Variants in SEMA6D observed in about 807,000 individuals in gnomAD.
The protein encoded by SEMA6D is semaphorin 6D, also known as semaphorin-6D.
SEMA6D carries 35 observed loss-of-function variants against 106.6 expected under a neutral mutation model. The observed-to-expected ratio is 0.33, with a 90% CI of 0.25 to 0.44. The LOEUF (loss-of-function observed/expected upper bound fraction) is 0.44. SEMA6D is among the 20% of genes least tolerant of loss of function. The pLI, the probability that SEMA6D is intolerant of heterozygous loss-of-function variation, is 1.00. For synonymous variants in SEMA6D, 499 were observed against 487.7 expected (o/e 1.02, Z -0.31); for missense variants, 1,185 against 1,345.9 (o/e 0.88, Z 1.87).
At chr15:47,725,106 G>A (rs2079656268) in intron 1 of SEMA6D, among the ~76,000 whole-genome samples, 1 of 152,142 alleles carries the variant, frequency 6.6e-6, no homozygotes, top group African/African-American at 2.4e-5. Context: ...ATTTTTGGAG[G>A]GGAGAGAAGG....
At chr15:47,284,337 A>G (rs2035263650) in intron 1 of SEMA6D, among the ~76,000 whole-genome samples, 2 of 152,238 alleles carry the variant, frequency 1.3e-5, no homozygotes, top group African/African-American at 4.8e-5. Flanking sequence ...AATAGAAAGA[A>G]CACTGGGTTA....
chr15:47,325,578 A>G (rs1339631436), intron 1 of SEMA6D, among the ~76,000 whole-genome samples: 1 of 152,200 alleles, frequency 6.6e-6, no homozygotes, highest in Non-Finnish European at 1.5e-5. Flanking sequence ...CCAAGGCCTC[A>G]TCTCTAAAAG....
At chr15:47,573,421 A>G (rs1030737740) in intron 3 of SEMA6D, among the ~76,000 whole-genome samples, 1 of 152,358 alleles carries the variant, frequency 6.6e-6, no homozygotes, top group South Asian at 2.1e-4. Flanking sequence ...TTATTTTTAC[A>G]TGACAAACTT....
chr15:47,414,701 T>C (rs1207382290), intron 2 of SEMA6D, among the ~76,000 whole-genome samples: 1 of 152,206 alleles, frequency 6.6e-6, no homozygotes, highest in Non-Finnish European at 1.5e-5. Flanking sequence ...CTCTTGTCTC[T>C]GTAGAGAACT....
intron 1 of SEMA6D, chr15:47,272,543 C>T (rs990920362): frequency 4.6e-5 from 7 of 152,218 alleles, no homozygotes; most frequent in Non-Finnish European, 8.8e-5. Flanking sequence ...TAAGGCTTAT[C>T]ACATTACATT....
At chr15:47,460,593 A>G (rs1333225166) in intron 2 of SEMA6D, among the ~76,000 whole-genome samples, 1 of 152,116 alleles carries the variant, frequency 6.6e-6, no homozygotes, top group Non-Finnish European at 1.5e-5. Flanking sequence ...TCAGTGATTC[A>G]TTAGTGTTAG....
intron 4 of SEMA6D, among the ~76,000 whole-genome samples, chr15:47,661,899 TTGCACAG>T (rs1446767581): frequency 1.3e-5 from 2 of 152,214 alleles, no homozygotes; most frequent in Non-Finnish European, 2.9e-5. Context: ...CCTAGATATC[TTGCACAG>T]ATCACTGTTG....
At chr15:47,284,191 A>G (rs773345561) in intron 1 of SEMA6D, among the ~76,000 whole-genome samples, 8 of 152,232 alleles carry the variant, frequency 5.3e-5, no homozygotes, top group Non-Finnish European at 1.0e-4. Context: ...ATCACATAGT[A>G]TCATAGATGT....
At chr15:47,190,585 G>T (rs1474341997) in intron 1 of SEMA6D, among the ~76,000 whole-genome samples, 1 of 152,074 alleles carries the variant, frequency 6.6e-6, no homozygotes, top group Non-Finnish European at 1.5e-5. Context: ...AAGGTAGAAT[G>T]ACCAAATAAA....
intron 1 of SEMA6D, among the ~76,000 whole-genome samples, chr15:47,727,208 C>G (rs760448185): frequency 3.3e-5 from 5 of 152,182 alleles, no homozygotes; most frequent in African/African-American, 4.8e-5. Context: ...TCTGTCGTCA[C>G]GCACATCTTT....
intron 1 of SEMA6D, among the ~76,000 whole-genome samples, chr15:47,298,138 G>T (rs185754512): frequency 6.6e-6 from 1 of 152,280 alleles, no homozygotes; most frequent in East Asian, 1.9e-4. Flanking sequence ...GTAAGTAATG[G>T]GAATGATGTG....
chr15:47,440,798 T>A (rs2041858965), intron 2 of SEMA6D, among the ~76,000 whole-genome samples: 1 of 152,082 alleles, frequency 6.6e-6, no homozygotes, highest in Non-Finnish European at 1.5e-5. Flanking sequence ...ATGAAGGCAA[T>A]TTAGAATATA....
chr15:47,590,935 C>CAGAA (rs2076426966), intron 3 of SEMA6D, among the ~76,000 whole-genome samples: 1 of 152,286 alleles, frequency 6.6e-6, no homozygotes, highest in African/African-American at 2.4e-5. Context: ...GGGACTAGTA[C>CAGAA]AGAATCTCTC....
At chr15:47,645,600 T>C (rs2077568267) in intron 4 of SEMA6D, among the ~76,000 whole-genome samples, 2 of 151,932 alleles carry the variant, frequency 1.3e-5, no homozygotes, top group South Asian at 4.2e-4. Flanking sequence ...CACCAAGCAG[T>C]ACCTCAGCGG....
At chr15:47,512,472 C>T (rs2044262156) in intron 3 of SEMA6D, among the ~76,000 whole-genome samples, 1 of 152,184 alleles carries the variant, frequency 6.6e-6, no homozygotes, top group South Asian at 2.1e-4. Flanking sequence ...GTAGTCCTGA[C>T]AGGTGGGCAG....
Position 47,737,908 on chromosome 15 carries a change from T to G in SEMA6D, c.-55+20216T>G, listed in dbSNP as rs1321913254. Among the ~76,000 whole-genome samples, 7 of 152,194 alleles carry G rather than the reference T, an allele frequency of 4.6e-5. No individual in the cohort carries two copies. The South Asian group carries it at 1.0e-3, about 22-fold the overall frequency. On this transcript the variant is annotated intron_variant, in intron 1 of 18. Transcript: ENST00000536845. Reference sequence around the variant, plus strand: ...CTAATTTACCCTGCCATGTGCAATATATTGATTTCATCCCAACTTTACCAG... The same window carrying G: ...CTAATTTACCCTGCCATGTGCAATAGATTGATTTCATCCCAACTTTACCAG...
intron 3 of SEMA6D, among the ~76,000 whole-genome samples, chr15:47,553,787 A>G (rs1449599643): frequency 6.6e-6 from 1 of 152,166 alleles, no homozygotes; most frequent in Non-Finnish European, 1.5e-5. Context: ...TGCATTACAT[A>G]TGAGGGACTT....
At chr15:47,238,325 T>C (rs2141703375) in intron 1 of SEMA6D, among the ~76,000 whole-genome samples, 1 of 152,186 alleles carries the variant, frequency 6.6e-6, no homozygotes, top group East Asian at 1.9e-4. Context: ...CACACAGAGT[T>C]GCCTAAACTC....
intron 1 of SEMA6D, among the ~76,000 whole-genome samples, chr15:47,753,769 T>C (rs1567078704): frequency 6.6e-6 from 1 of 152,136 alleles, no homozygotes; most frequent in African/African-American, 2.4e-5. Context: ...AAAGACTTTT[T>C]GTAAGATCAT....
Sources: allele counts gnomAD v4.1 joint callset (sites outside exome capture counted in the v4.1 genomes callset), GRCh38; gene constraint gnomAD v4.1.1; transcripts MANE v1.5; gene names NCBI Gene and HGNC (gene_info 2026-07-23, HGNC 2026-07-21).